The following N4BP2L2 variants were observed in gnomAD, a reference collection of about 807,000 sequenced individuals.
N4BP2L2 encodes the protein NEDD4 binding protein 2 like 2.
N4BP2L2 carries 50 observed loss-of-function variants against 56.2 expected under a neutral mutation model. The ratio of observed to expected loss-of-function variants is 0.89; its 90% CI spans 0.71 to 1.13. The LOEUF is 1.13. Ranked by LOEUF, N4BP2L2 falls within the 50% of genes most tolerant of loss-of-function variation. The pLI, the probability that N4BP2L2 is intolerant of heterozygous loss-of-function variation, is 0.00. For missense variants in N4BP2L2, 689 were observed against 693.8 expected, an observed-to-expected ratio of 0.99 and a Z score of 0.08; for synonymous variants, 203 against 223.6, an observed-to-expected ratio of 0.91 and a Z score of 0.82.
chr13:32,462,838 A>G (rs1014718014), intron 6 of N4BP2L2, among the ~76,000 whole-genome samples: 3 of 141,252 alleles, frequency 2.1e-5, no homozygotes, highest in African/African-American at 7.8e-5. Flanking sequence ...ATCCTGGCCA[A>G]CATGGTGAAA....
chr13:32,475,992 A>G (rs1239081993), intron 6 of N4BP2L2, among the ~76,000 whole-genome samples: 1 of 152,232 alleles, frequency 6.6e-6, no homozygotes, highest in Non-Finnish European at 1.5e-5. Context: ...AATTCTGTCT[A>G]TCTGGATACC....
exon 6 of N4BP2L2, chr13:32,517,663 G>A: frequency 1.7e-5 from 24 of 1,415,492 alleles, no homozygotes; most frequent in Admixed American, 3.1e-5. Context: ...CAACTTGCTG[G>A]GAATTTAAAC....
At chr13:32,509,256 A>C (rs1403124761), downstream of N4BP2L2, 5 of 152,204 alleles carry the variant, frequency 3.3e-5, no homozygotes. Context: ...ATGATGCTCA[A>C]AGAAAATGTT....
chr13:32,482,082 GCTTAT>G (rs2084876767), intron 6 of N4BP2L2, among the ~76,000 whole-genome samples: 1 of 152,122 alleles, frequency 6.6e-6, no homozygotes, highest in Non-Finnish European at 1.5e-5. Context: ...ATTGGCTTAT[GCTTAT>G]CTTTTTTGTA....
intron 2 of N4BP2L2, among the ~76,000 whole-genome samples, chr13:32,533,515 ATT>A (rs766383227): frequency 1.9e-3 from 231 of 122,244 alleles, no homozygotes; most frequent in African/African-American, 6.5e-3. Context: ...AGCATTACTA[ATT>A]TTTTTTTTTT....
At chr13:32,469,468 T>C (rs1312965041) in intron 6 of N4BP2L2, among the ~76,000 whole-genome samples, 1 of 152,030 alleles carries the variant, frequency 6.6e-6, no homozygotes, top group Non-Finnish European at 1.5e-5. Flanking sequence ...CCAGTCCCTG[T>C]GGGATGCAGC....
chr13:32,535,575 A>G (rs1454189950), intron 2 of N4BP2L2, among the ~76,000 whole-genome samples, 194 bp downstream of exon 2: 1 of 152,076 alleles, frequency 6.6e-6, no homozygotes, highest in Non-Finnish European at 1.5e-5. Flanking sequence ...TAACATTTTT[A>G]TTTCATTTTT....
At chr13:32,489,100 T>G (rs927178333) in intron 6 of N4BP2L2, among the ~76,000 whole-genome samples, 4 of 152,140 alleles carry the variant, frequency 2.6e-5, no homozygotes, top group African/African-American at 4.8e-5. Context: ...AAACATATTC[T>G]GTAACAGAAA....
chr13:32,538,185 A>G (rs1594139013), intron 1 of N4BP2L2, among the ~76,000 whole-genome samples: 1 of 152,028 alleles, frequency 6.6e-6, no homozygotes, highest in African/African-American at 2.4e-5. Flanking sequence ...CTAACACGAG[A>G]GAAAGAGAAA....
chr13:32,447,468 T>A (rs564022429), intron 6 of N4BP2L2, among the ~76,000 whole-genome samples: 7 of 152,030 alleles, frequency 4.6e-5, no homozygotes, highest in African/African-American at 1.7e-4. Flanking sequence ...GAAGGAAAAA[T>A]AAGCAAGATT....
At chr13:32,450,548 T>G (rs1301041511) in intron 6 of N4BP2L2, among the ~76,000 whole-genome samples, 1 of 152,054 alleles carries the variant, frequency 6.6e-6, no homozygotes, top group Non-Finnish European at 1.5e-5. Flanking sequence ...ACGGTCTCGA[T>G]CTCATGACCT....
At position 32,535,098 on chromosome 13, in the gene N4BP2L2, C is replaced by A. The variant is rs1350152357; in HGVS notation, c.1259+671G>T. ...AACATGGCACAGTGCTCAACACATT[C>A]AAAATTCCTTTCCTTGGGTCATCTC... is the stretch of plus-strand genomic sequence containing the variant. On this transcript the variant is annotated intron_variant, in intron 2 of 5. Coordinates refer to ENST00000267068, the Ensembl canonical transcript of N4BP2L2. Among the ~76,000 whole-genome samples, 3 of 152,224 alleles carry A rather than the reference C, an allele frequency of 2.0e-5. No homozygotes were observed. The East Asian group carries it at 5.8e-4, about 29-fold the overall frequency.
intron 6 of N4BP2L2, among the ~76,000 whole-genome samples, chr13:32,455,133 C>G (rs2078746853): frequency 6.6e-6 from 1 of 152,216 alleles, no homozygotes; most frequent in Non-Finnish European, 1.5e-5. Context: ...AGAGCCTAGT[C>G]CATGCCATAC....
At chr13:32,498,979 A>G (rs1482594334) in intron 6 of N4BP2L2, among the ~76,000 whole-genome samples, 1 of 129,494 alleles carries the variant, frequency 7.7e-6, no homozygotes, top group Non-Finnish European at 1.6e-5. Flanking sequence ...ACAGAGCAAG[A>G]CTCTGTCTAA....
At chr13:32,446,478 A>T (rs1231658461) in intron 6 of N4BP2L2, 1 of 1,325,942 alleles carries the variant, frequency 7.5e-7, no homozygotes, top group Non-Finnish European at 1.0e-6. Context: ...AATGTGAACC[A>T]TCCTGTTGCA....
rs551490544 is a variant in N4BP2L2, at chr13:32,455,105, C to T, written c.366-10979G>A. On this transcript the variant is annotated intron_variant, in intron 6 of 9. Coordinates refer to the N4BP2L2 transcript ENST00000357505. ...CTGTCCTACAACTCCTAAGCAAAAG[C>T]AGCATGACACTATTTTGAGAGCCTA... Among the ~76,000 whole-genome samples, 4 of 152,340 alleles carry T rather than the reference C, an allele frequency of 2.6e-5. No individual in the cohort carries two copies. In the South Asian group the frequency reaches 8.3e-4, roughly 32 times the overall value.
chr13:32,435,741 A>T (rs1427019134), intron 9 of N4BP2L2, among the ~76,000 whole-genome samples: 2 of 152,242 alleles, frequency 1.3e-5, no homozygotes, highest in Non-Finnish European at 2.9e-5. Context: ...CAGGGTATAC[A>T]TGTCTTTCTA....
At chr13:32,509,023 C>T (rs977079443), downstream of N4BP2L2, 2 of 152,132 alleles carry the variant, frequency 1.3e-5, no homozygotes, top group Admixed American at 6.5e-5. Flanking sequence ...AACCACAAAT[C>T]TAAAGACTAC....
At chr13:32,472,927 A>G (rs1223840987) in intron 6 of N4BP2L2, among the ~76,000 whole-genome samples, 4 of 152,328 alleles carry the variant, frequency 2.6e-5, no homozygotes, top group Admixed American at 2.0e-4. Context: ...GATGTGTTGT[A>G]AGTCTAAACT....
Sources: gnomAD v4.1 joint callset for allele counts (sites outside exome capture counted in the v4.1 genomes callset) on GRCh38, gnomAD v4.1.1 for gene constraint, MANE v1.5 for transcripts, NCBI Gene and HGNC (gene_info 2026-07-23, HGNC 2026-07-21) for gene names.